The following SHISA5 variants were observed in gnomAD, a reference collection of about 807,000 sequenced individuals.
SHISA5 encodes the protein protein shisa-5.
A neutral mutation model predicts 27.5 loss-of-function variants in SHISA5; 21 were observed. The observed-to-expected ratio is 0.76, with a 90% CI of 0.54 to 1.10. SHISA5 has a LOEUF of 1.10. Among genes scored for constraint, SHISA5 ranks in the 50% least tolerant of loss-of-function variants. The pLI, the probability that SHISA5 is intolerant of heterozygous loss-of-function variation, is 0.00. For missense variants in SHISA5, 314 were observed against 336.3 expected, an observed-to-expected ratio of 0.93 and a Z score of 0.52; for synonymous variants, 137 against 142.2, an observed-to-expected ratio of 0.96 and a Z score of 0.26.
chr3:48,481,661 C>T (rs926661432), intron 2 of SHISA5, among the ~76,000 whole-genome samples: 9 of 151,306 alleles, frequency 5.9e-5, no homozygotes, highest in African/African-American at 1.9e-4. Flanking sequence ...TGGTGGTGGC[C>T]GCCTGTAATC....
chr3:48,499,339 G>A (rs146651076), intron 2 of SHISA5, among the ~76,000 whole-genome samples: 563 of 151,512 alleles, frequency 3.7e-3, no homozygotes, highest in African/African-American at 0.013. Context: ...AGCAACCCCC[G>A]GCCCTCTACA....
chr3:48,478,603 G>A (rs2040898632), intron 3 of SHISA5, among the ~76,000 whole-genome samples: 1 of 152,098 alleles, frequency 6.6e-6, no homozygotes, highest in Non-Finnish European at 1.5e-5. Context: ...CAAGGGGACT[G>A]GGGTTTGGGG....
intron 2 of SHISA5, among the ~76,000 whole-genome samples, chr3:48,491,709 C>A (rs955671922): frequency 1.3e-5 from 2 of 151,878 alleles, no homozygotes; most frequent in Non-Finnish European, 1.5e-5. Flanking sequence ...TAGAGTGGCA[C>A]GATCTCAGCT....
chr3:48,488,529 C>T (rs1332181792), intron 2 of SHISA5, among the ~76,000 whole-genome samples: 8 of 146,512 alleles, frequency 5.5e-5, no homozygotes, highest in African/African-American at 2.0e-4. Flanking sequence ...ACCCAGCCAA[C>T]TGCTTATAGT....
At position 48,468,984 on chromosome 3, in the gene SHISA5, T is replaced by C. The variant is rs1424729166; in HGVS notation, c.*123A>G. The C allele has an allele frequency of 1.3e-6, 2 of 1,573,212 alleles. No individual in the cohort carries two copies. The highest frequency in any genetic ancestry group is 3.4e-5 in the Admixed American group (2 of 58,894). On this transcript the variant is annotated 3_prime_UTR_variant, in exon 6 of 6. Transcript: ENST00000296444. ...ACAGGCAGGACACACACAGCACACA[T>C]GGGGCGTAAGGAACCGTGCCTGGAC...
intron 2 of SHISA5, among the ~76,000 whole-genome samples, chr3:48,495,235 G>T (rs2041511122): frequency 6.8e-6 from 1 of 146,786 alleles, no homozygotes; most frequent in Non-Finnish European, 1.5e-5. Flanking sequence ...AAGCTGTTTG[G>T]AAGTTATCTG....
At chr3:48,481,441 A>AAAAATAAAAT (rs58732653) in intron 2 of SHISA5, among the ~76,000 whole-genome samples, 10,017 of 144,176 alleles carry the variant, frequency 0.069, 1,357 homozygotes, top group African/African-American at 0.26. Flanking sequence ...TCTGTCTCAA[A>AAAAATAAAAT]AAAATAAAAT....
chr3:48,504,282 G>A (rs575251395), upstream of SHISA5: 4 of 370,678 alleles, frequency 1.1e-5, no homozygotes, highest in East Asian at 4.0e-5. This position sits in a 1 kb window ranked among gnomAD's most constrained non-coding sequence, Gnocchi z 4.0. Context: ...AGGGAGGAAG[G>A]TGGAAGGAGG....
Position 48,469,878 on chromosome 3 carries a change from GC to G in SHISA5, c.315-36del. ...AGCTAGACGTGACCCGGGGCACCTC[GC>G]CCCTCCCCAGACCAGCATCCACACC... On this transcript the variant is annotated intron_variant, in intron 3 of 5. Coordinates refer to ENST00000296444, the MANE Select transcript of SHISA5 (RefSeq NM_016479.6). This position sits in a 1 kb window ranked among gnomAD's most constrained non-coding sequence, Gnocchi z 4.6. 1.3e-6 allele frequency: 2 copies of G among 1,595,100 alleles called. No homozygotes were observed. Among genetic ancestry groups the G allele is most frequent in the Middle Eastern group, 1.7e-4 (1 of 6,030 alleles).
chr3:48,469,575 T>C lies in SHISA5; in HGVS notation c.431-2A>G. 1 of 1,603,790 alleles carries C rather than the reference T, an allele frequency of 6.2e-7. No homozygotes were observed. Among genetic ancestry groups the C allele is most frequent in the South Asian group, 1.1e-5 (1 of 89,854 alleles). On this transcript the variant is annotated splice_acceptor_variant, in intron 4 of 5. Transcript: ENST00000296444. LOFTEE classifies it high-confidence loss of function. The surrounding 1 kb of genome is among the most constrained non-coding windows in gnomAD (Gnocchi z 4.6). ...TGGATGTGGTGGTGGTGACAACCGC[T>C]GCAAAGAGAATTCCAGTCAGGACCC...
chr3:48,489,469 G>A (rs1329345618), intron 2 of SHISA5, among the ~76,000 whole-genome samples: 11 of 151,078 alleles, frequency 7.3e-5, no homozygotes, highest in South Asian at 6.3e-4. Flanking sequence ...ACAGGCGCCC[G>A]CCACCATGCC....
At position 48,486,245 on chromosome 3, in the gene SHISA5, T is replaced by TTATATACTATA. The variant is rs1560128472; in HGVS notation, c.234-6989_234-6988insTATAGTATATA. Reference sequence around the variant, plus strand: ...GAAAATAGATTATAGATTACATATATTATATATTATATATAATACATTATG... The same window carrying TTATATACTATA: ...GAAAATAGATTATAGATTACATATATTATATACTATATATATATTATATATAATACATTATG... On this transcript the variant is annotated intron_variant, in intron 2 of 5. Coordinates refer to ENST00000296444, the MANE Select transcript of SHISA5 (RefSeq NM_016479.6). Among the ~76,000 whole-genome samples, 62 of 71,466 alleles carry TTATATACTATA rather than the reference T, an allele frequency of 8.7e-4. 20 individuals are homozygous for TTATATACTATA. The highest frequency in any genetic ancestry group is 1.8e-3 in the African/African-American group (30 of 16,386). 46.9% of individuals were successfully genotyped at this position (71,466 alleles called of 152,430 possible). A position where few individuals can be genotyped will look rare whatever the true frequency, so the allele number is the denominator to read the frequency against.
intron 2 of SHISA5, among the ~76,000 whole-genome samples, chr3:48,499,201 TCTCA>T (rs2041676789): frequency 6.6e-6 from 1 of 151,772 alleles, no homozygotes; most frequent in South Asian, 2.1e-4. Flanking sequence ...TGAGTCGAGG[TCTCA>T]CTCTGTTGCC....
chr3:48,476,341 CAA>C (rs1250491645), intron 3 of SHISA5, among the ~76,000 whole-genome samples: 19 of 62,316 alleles, frequency 3.0e-4, no homozygotes, highest in African/African-American at 6.0e-4. Flanking sequence ...AACTCCATCT[CAA>C]AAAAAAAAAA....
intron 2 of SHISA5, among the ~76,000 whole-genome samples, chr3:48,484,170 C>T (rs1328830948): frequency 6.6e-6 from 1 of 152,168 alleles, no homozygotes; most frequent in Non-Finnish European, 1.5e-5. Flanking sequence ...ATATTGTTCT[C>T]TCTGCTTTTG....
rs2041829740 is a variant in SHISA5, at chr3:48,504,004, C to T, written c.76+15G>A. On this transcript the variant is annotated intron_variant, in intron 1 of 5. Transcript: ENST00000296444. The surrounding 1 kb of genome is among the most constrained non-coding windows in gnomAD (Gnocchi z 4.0). Reference sequence around the variant, plus strand: ...GGTCCCAGGGCAGGACGGGCCGCCCCCACCCCCGGCTCACCACCCGGAGGC... The same window carrying T: ...GGTCCCAGGGCAGGACGGGCCGCCCTCACCCCCGGCTCACCACCCGGAGGC... 6.8e-7 allele frequency: 1 copy of T among 1,462,128 alleles called. No homozygotes were observed. The allele number at this position is 1,462,128 out of a possible 1,614,324, so 90.6% of individuals were successfully genotyped here.
rs1375547818 is a variant in SHISA5 at position 48,470,618 on chromosome 3, C to T, written c.315-775G>A. ...GCCCTTTGAGAAAGCAGGCCCTGGG[C>T]TGGGAAGCTCACCAAAATTGACTTC... On this transcript the variant is annotated intron_variant, in intron 3 of 5. Transcript: ENST00000296444. This position sits in a 1 kb window ranked among gnomAD's most constrained non-coding sequence, Gnocchi z 4.3. Among the ~76,000 whole-genome samples, 1 of 152,190 alleles carries T rather than the reference C, an allele frequency of 6.6e-6. No homozygotes were observed. The highest frequency in any genetic ancestry group is 1.5e-5 in the Non-Finnish European group (1 of 68,020).
In SHISA5 at chr3:48,477,104, GAAAAAAA is replaced by G. The variant is rs759775368; in HGVS notation, c.314+2066_314+2072del. The G allele has an allele frequency of 7.9e-5, 26 of 327,942 alleles. 1 individual carries two copies. Among genetic ancestry groups the G allele is most frequent in the South Asian group, 5.0e-4 (24 of 48,364 alleles). The allele number at this position is 327,942 out of a possible 1,614,324, so 20.3% of individuals were successfully genotyped here. A position where few individuals can be genotyped will look rare whatever the true frequency, so the allele number is the denominator to read the frequency against. ...TCCCAGCTCAAATCTATAACATTGA[GAAAAAAA>G]AAAAAAAAAGAAACAGAACAACCCT... On this transcript the variant is annotated intron_variant, in intron 3 of 5. Transcript: ENST00000296444.
At chr3:48,483,709 G>T (rs1254531559) in intron 2 of SHISA5, among the ~76,000 whole-genome samples, 2 of 151,568 alleles carry the variant, frequency 1.3e-5, no homozygotes, top group Non-Finnish European at 2.9e-5. Flanking sequence ...CGGCTGGCCG[G>T]GTGGGGGGCT....
Sources: allele counts gnomAD v4.1 joint callset (sites outside exome capture counted in the v4.1 genomes callset), GRCh38; gene constraint gnomAD v4.1.1; non-coding constraint Gnocchi (gnomAD v3.1); transcripts MANE v1.5; gene names NCBI Gene and HGNC (gene_info 2026-07-23, HGNC 2026-07-21).